Variants in TBCE observed in about 807,000 individuals in gnomAD.
The protein encoded by TBCE is tubulin-specific chaperone E.
Under a neutral mutation model 77.0 loss-of-function variants are expected in TBCE, and 53 were observed. The ratio of observed to expected loss-of-function variants is 0.69; its 90% confidence interval spans 0.55 to 0.87. The LOEUF is 0.87. Ranked by LOEUF, TBCE falls within the 40% of genes least tolerant of loss-of-function variation. TBCE has a pLI of 0.00. For missense variants in TBCE, 624 were observed against 622.4 expected, an observed-to-expected ratio of 1.00 and a Z score of -0.03; for synonymous variants, 235 against 241.3, an observed-to-expected ratio of 0.97 and a Z score of 0.24.
chr1:235,381,022 T>C lies in TBCE; in HGVS notation c.100+873T>C, dbSNP rs185547984. Among the ~76,000 whole-genome samples the C allele has an allele frequency of 6.1e-3, 927 of 152,130 alleles. 9 individuals carry two copies. Among genetic ancestry groups the C allele is most frequent in the African/African-American group, 0.022 (893 of 41,524 alleles). On this transcript the variant is annotated intron_variant, in intron 2 of 16. Transcript: ENST00000642610. Reference sequence around the variant, plus strand: ...CTGGTCTCGAACTCCTGAGGTGTTCTGCCTGCCTCGGCCTCCCAAAGTGCT... The same window carrying C: ...CTGGTCTCGAACTCCTGAGGTGTTCCGCCTGCCTCGGCCTCCCAAAGTGCT...
At position 235,374,924 on chromosome 1, in the gene TBCE, T is replaced by C. The variant is rs540055604; in HGVS notation, c.-31-5095T>C. Among the ~76,000 whole-genome samples, 149 of 129,572 alleles carry C rather than the reference T, an allele frequency of 1.1e-3. 24 individuals carry two copies. The highest frequency in any genetic ancestry group is 3.5e-3 in the African/African-American group (109 of 31,522). The allele number at this position is 129,572 out of a possible 152,430, so 85.0% of individuals were successfully genotyped here. On this transcript the variant is annotated intron_variant, in intron 1 of 16. Coordinates refer to ENST00000642610, the MANE Select transcript of TBCE (RefSeq NM_003193.5). ...GATGTAGATTTCTTTTTTTTTCTTT[T>C]TTTTTTTTTTTTTTGAGATGGAGTC...
intron 6 of TBCE, among the ~76,000 whole-genome samples, 180 bp downstream of exon 6, chr1:235,427,419 G>A (rs1397389542): frequency 6.6e-6 from 1 of 152,168 alleles, no homozygotes; most frequent in Non-Finnish European, 1.5e-5. Flanking sequence ...CCTCAGTAAG[G>A]TTTTCCTTTT....
chr1:235,398,768 C>T (rs1678907270), intron 2 of TBCE, among the ~76,000 whole-genome samples: 1 of 143,992 alleles, frequency 6.9e-6, no homozygotes, highest in Non-Finnish European at 1.5e-5. Context: ...GTAGTCCCAG[C>T]TACTCGGAAG....
At chr1:235,448,299 A>G (rs746626682) in intron 15 of TBCE, 50 bp from the exon 16 acceptor site, 1 of 1,483,004 alleles carries the variant, frequency 6.7e-7, no homozygotes, top group Non-Finnish European at 9.4e-7. Flanking sequence ...CTAGTTTTAC[A>G]GGTAACTGTC....
At chr1:235,426,739 G>A (rs940979182) in intron 5 of TBCE, among the ~76,000 whole-genome samples, 93 of 152,276 alleles carry the variant, frequency 6.1e-4, no homozygotes, top group African/African-American at 1.9e-3. Flanking sequence ...TCCGCCTCCC[G>A]GGCTCTAGAG....
chr1:235,437,347 A>C lies in TBCE; in HGVS notation c.989A>C (p.Lys330Thr). 6.2e-7 allele frequency: 1 copy of C among 1,614,106 alleles called. No individual in the cohort carries two copies. Among genetic ancestry groups the C allele is most frequent in the Non-Finnish European group, 8.5e-7 (1 of 1,180,028 alleles). Reference sequence around the variant, plus strand: ...TGGTCGTTTTTCAATGAGCTAGAGAAGTTACCAAGTCTACGGGCTTTGTCC... The same window carrying C: ...TGGTCGTTTTTCAATGAGCTAGAGACGTTACCAAGTCTACGGGCTTTGTCC... Reference protein sequence around the residue: ...SQWSFFNELEKLPSLRALSCL... With the variant: ...SQWSFFNELETLPSLRALSCL... Residue 330 changes from lysine to threonine, a missense_variant, in exon 12 of 17, where the codon AAG (lysine) becomes ACG (threonine). By Grantham distance (78) the Lys-to-Thr change is moderately conservative. Coordinates refer to ENST00000642610, the MANE Select transcript of TBCE (RefSeq NM_003193.5).
chr1:235,409,466 G>A (rs994345463), intron 3 of TBCE, among the ~76,000 whole-genome samples: 1 of 151,950 alleles, frequency 6.6e-6, no homozygotes, highest in South Asian at 2.1e-4. Context: ...TGTTATTGAT[G>A]GGCACCCATT....
At chr1:235,390,326 A>T (rs1678301551) in intron 2 of TBCE, among the ~76,000 whole-genome samples, 1 of 152,130 alleles carries the variant, frequency 6.6e-6, no homozygotes, top group Non-Finnish European at 1.5e-5. Flanking sequence ...AGAACCTCTG[A>T]TTTTGCTAGG....
chr1:235,448,396 A>C lies in TBCE; in HGVS notation c.1447A>C (p.Lys483Gln). ...GAAGGGATTGCTGTCACGTCTTCTC[A>C]AAGTTCCTGTGTCAGACCTTCTGTT... ...KVKGLLSRLL[K>Q]VPVSDLLLSY... Residue 483 changes from lysine (K) to glutamine (Q), a missense_variant, in exon 16 of 17, where the codon AAA (lysine) becomes CAA (glutamine). Physicochemically the swap from Lys to Gln is moderately conservative, Grantham distance 53. Transcript: ENST00000642610. The C allele has an allele frequency of 6.2e-7, 1 of 1,614,108 alleles. No homozygotes were observed. The highest frequency in any genetic ancestry group is 2.2e-5 in the East Asian group (1 of 44,882).
intron 1 of TBCE, among the ~76,000 whole-genome samples, chr1:235,378,436 C>T (rs1677427313): frequency 6.6e-6 from 1 of 152,098 alleles, no homozygotes; most frequent in Non-Finnish European, 1.5e-5. Context: ...GTTGCCCAGG[C>T]TGGTCTCGAA....
intron 4 of TBCE, among the ~76,000 whole-genome samples, chr1:235,416,376 A>C (rs527652039): frequency 1.8e-3 from 275 of 152,146 alleles, no homozygotes; most frequent in Non-Finnish European, 3.1e-3. Flanking sequence ...AAATGCAAAA[A>C]TTAGCTGGGT....
chr1:235,451,222 C>T lies in TBCE; in HGVS notation c.*2460C>T, dbSNP rs1199689345. 4 of 152,216 alleles carry T rather than the reference C, an allele frequency of 2.6e-5. No homozygotes were observed. The highest frequency in any genetic ancestry group is 7.2e-5 in the African/African-American group (3 of 41,428). The allele number at this position is 152,216 out of a possible 1,614,324, so 9.4% of individuals were successfully genotyped here. On this transcript the variant is annotated 3_prime_UTR_variant, in exon 17 of 17. Coordinates refer to ENST00000642610, the MANE Select transcript of TBCE (RefSeq NM_003193.5). ...CAAAACACACTCAGCTTGTCTGTCTCAGTCTTGCCCCTCAGTGGGATGGAA... is the reference window on the plus strand; with the variant it reads ...CAAAACACACTCAGCTTGTCTGTCTTAGTCTTGCCCCTCAGTGGGATGGAA...
chr1:235,409,355 G>C (rs1233046664), intron 3 of TBCE, among the ~76,000 whole-genome samples: 21 of 152,048 alleles, frequency 1.4e-4, no homozygotes, highest in Admixed American at 1.4e-3. Flanking sequence ...CTTTAGACAT[G>C]GTTTGGAATT....
intron 2 of TBCE, 49 bp downstream of exon 2, chr1:235,380,198 T>C: frequency 2.5e-6 from 3 of 1,212,776 alleles, no homozygotes; most frequent in South Asian, 1.3e-5. Context: ...TGTGTGTGTG[T>C]GTGTGTGTGT....
chr1:235,438,659 A>T, intron 12 of TBCE, 110 bp from the exon 13 acceptor site: 1 of 1,282,736 alleles, frequency 7.8e-7, no homozygotes, highest in Non-Finnish European at 1.1e-6. Context: ...GTCCCTCTCA[A>T]TTTGATTATT....
chr1:235,441,535 T>G (rs1215456347), intron 13 of TBCE: 3 of 470,368 alleles, frequency 6.4e-6, no homozygotes, highest in Admixed American at 3.5e-5. Flanking sequence ...GTAAACATGT[T>G]GCTTTTCATT....
intron 4 of TBCE, among the ~76,000 whole-genome samples, chr1:235,416,541 CAA>C (rs3083678): frequency 0.67 from 99,302 of 148,478 alleles, 33,168 homozygotes; most frequent in African/African-American, 0.76. Context: ...ACACACAAAC[CAA>C]AAAAAAAAAA....
chr1:235,448,240 A>AT, intron 15 of TBCE, 109 bp from the exon 16 acceptor site: 1 of 813,600 alleles, frequency 1.2e-6, no homozygotes, highest in Non-Finnish European at 2.0e-6. Context: ...AAAAAAAAAA[A>AT]GACAGATACA....
rs1682721358 is a variant in TBCE at position 235,449,131 on chromosome 1, CTATTT to C, written c.*372_*376del. On this transcript the variant is annotated 3_prime_UTR_variant, in exon 17 of 17. Transcript: ENST00000642610. ...TTAATGGAATTCTCTATTGAAACTA[CTATTT>C]TAAAGGGTTACTAGAAATGATTTGG... 1 of 277,604 alleles carries C rather than the reference CTATTT, an allele frequency of 3.6e-6. No individual in the cohort carries two copies. The highest frequency in any genetic ancestry group is 2.2e-5 in the African/African-American group (1 of 44,494). The allele number at this position is 277,604 out of a possible 1,614,324, so 17.2% of individuals were successfully genotyped here. A position where few individuals can be genotyped will look rare whatever the true frequency, so the allele number is the denominator to read the frequency against.
Sources: allele counts gnomAD v4.1 joint callset (sites outside exome capture counted in the v4.1 genomes callset), GRCh38; gene constraint gnomAD v4.1.1; transcripts MANE v1.5; gene names NCBI Gene and HGNC (gene_info 2026-07-23, HGNC 2026-07-21).